Variants in SPDYE21 observed in about 807,000 individuals in gnomAD.
SPDYE21 encodes speedy protein E21.
Under a neutral mutation model 36.2 loss-of-function variants are expected in SPDYE21, and 14 were observed. The ratio of observed to expected loss-of-function variants is 0.39; its 90% CI spans 0.26 to 0.61. SPDYE21 has a LOEUF of 0.61. Ranked by LOEUF, SPDYE21 falls within the 20% of genes least tolerant of loss-of-function variation. SPDYE21 has a pLI of 0.55. For synonymous variants in SPDYE21, 58 were observed against 155.1 expected, an observed-to-expected ratio of 0.37 and a Z score of 4.65; for missense variants, 233 against 424.6, an observed-to-expected ratio of 0.55 and a Z score of 3.97.
chr7:67,282,795 T>C, intron 5 of SPDYE21, 102 bp downstream of exon 5: 1 of 1,273,702 alleles, frequency 7.9e-7, no homozygotes, highest in African/African-American at 1.8e-5. Context: ...TCCCACCAGA[T>C]GCTCCTACAG....
rs1802772549 is a variant in SPDYE21 at position 67,288,075 on chromosome 7, T to G, written c.*603T>G. Among the ~76,000 whole-genome samples the G allele has an allele frequency of 6.6e-6, 1 of 151,806 alleles. No individual in the cohort carries two copies. Among genetic ancestry groups the G allele is most frequent in the South Asian group, 2.1e-4 (1 of 4,812 alleles). On this transcript the variant is annotated 3_prime_UTR_variant, in exon 9 of 9. Transcript: ENST00000424157. ...AAAACATGCTGTTCCTGTAGTTTTT[T>G]GATGAGAGTTATAGTTGTTATATAT...
chr7:67,277,181 C>G (rs1007840214), intron 1 of SPDYE21, among the ~76,000 whole-genome samples, 119 bp downstream of exon 1: 1 of 152,140 alleles, frequency 6.6e-6, no homozygotes, highest in Non-Finnish European at 1.5e-5. Context: ...CCAGCGCCCT[C>G]TCCTGAGTAG....
chr7:67,284,258 G>A (rs977976693), intron 6 of SPDYE21, among the ~76,000 whole-genome samples: 3 of 150,828 alleles, frequency 2.0e-5, no homozygotes, highest in Non-Finnish European at 4.4e-5. Flanking sequence ...AGACCAGCCT[G>A]GCCAACATGG....
At chr7:67,283,139 A>AT (rs570666812) in intron 5 of SPDYE21, among the ~76,000 whole-genome samples, 50 of 147,286 alleles carry the variant, frequency 3.4e-4, no homozygotes, top group East Asian at 1.4e-3. Context: ...GCACCCACAA[A>AT]TTTTTTTTTT....
Position 67,286,222 on chromosome 7 carries a change from C to T in SPDYE21, c.934C>T (p.Arg312Cys), listed in dbSNP as rs1802730731. 1.3e-5 allele frequency: 21 copies of T among 1,612,024 alleles called. No individual in the cohort carries two copies. The highest frequency in any genetic ancestry group is 5.5e-5 in the South Asian group (5 of 90,834). ...CTCTCGCATACCCTTGCTCCGTAAG[C>T]GTCGGTTCCAGTTAGGCCGTTCCAT... ...NRSRIPLLRKRRFQLGRSMNP... is the reference protein window; with the variant it reads ...NRSRIPLLRKCRFQLGRSMNP... The change falls in exon 7 of 9, where the codon CGT becomes TGT. Residue 312 changes from arginine (R) to cysteine (C), a missense_variant. Physicochemically the swap from Arg to Cys is radical, Grantham distance 180 (BLOSUM62 -3). This residue lies in a region of SPDYE21 where 139 missense variants were observed against 175.8 expected (regional missense o/e 0.79). Coordinates refer to ENST00000424157, the MANE Select transcript of SPDYE21 (RefSeq NM_001382715.2).
chr7:67,281,096 CAACAAAAA>C (rs1230268749), intron 3 of SPDYE21, among the ~76,000 whole-genome samples: 3 of 63,550 alleles, frequency 4.7e-5, no homozygotes, highest in East Asian at 6.8e-4. Flanking sequence ...ACAACAACAA[CAACAAAAA>C]AAAAAAAAAA....
chr7:67,284,152 C>T (rs1389987715), intron 6 of SPDYE21, among the ~76,000 whole-genome samples, 154 bp downstream of exon 6: 2 of 148,402 alleles, frequency 1.3e-5, no homozygotes, highest in African/African-American at 4.9e-5. Flanking sequence ...ACTGTTGTTT[C>T]TAAACAGAAA....
At chr7:67,280,172 T>C (rs896829544) in intron 3 of SPDYE21, 136 bp downstream of exon 3, 3 of 1,480,574 alleles carry the variant, frequency 2.0e-6, no homozygotes, top group African/African-American at 2.8e-5. Context: ...TCAGAAGTGA[T>C]CACTCATGAG....
chr7:67,286,256 G>A lies in SPDYE21; in HGVS notation c.968G>A (p.Arg323Lys). The A allele has an allele frequency of 1.9e-6, 3 of 1,588,992 alleles. No homozygotes were observed. The highest frequency in any genetic ancestry group is 2.6e-6 in the Non-Finnish European group (3 of 1,161,518). The change falls in exon 7 of 9, where the codon AGG becomes AAG. Residue 323 changes from arginine (R) to lysine (K), a missense_variant. Arg to Lys is a conservative substitution (Grantham distance 26). Coordinates refer to ENST00000424157, the MANE Select transcript of SPDYE21 (RefSeq NM_001382715.2). ...CAGTTAGGCCGTTCCATGAACCCGAGGGCCAGGAAGTACCGCTCTCGCATA... is the reference window on the plus strand; with the variant it reads ...CAGTTAGGCCGTTCCATGAACCCGAAGGCCAGGAAGTACCGCTCTCGCATA... ...RFQLGRSMNP[R>K]ARKYRSRIPL...
Position 67,286,191 on chromosome 7 carries a change from GAACCGCTCTCGC to G in SPDYE21, c.905_916del (p.Asn302_Arg305del). 6.2e-7 allele frequency: 1 copy of G among 1,611,410 alleles called. No individual in the cohort carries two copies. Among genetic ancestry groups the G allele is most frequent in the Non-Finnish European group, 8.5e-7 (1 of 1,179,276 alleles). ...GTTCCATGAACCCGAGGGCCAGGAA[GAACCGCTCTCGC>G]ATACCCTTGCTCCGTAAGCGTCGGT... On this transcript the variant is annotated inframe_deletion, in exon 7 of 9. Coordinates refer to ENST00000424157, the MANE Select transcript of SPDYE21 (RefSeq NM_001382715.2).
intron 5 of SPDYE21, among the ~76,000 whole-genome samples, chr7:67,283,680 C>A (rs994941211): frequency 6.6e-6 from 1 of 152,042 alleles, no homozygotes; most frequent in Non-Finnish European, 1.5e-5. Flanking sequence ...AAGATCCCAT[C>A]GGAGCCCACC....
chr7:67,286,993 C>T (rs1482535119), intron 8 of SPDYE21, among the ~76,000 whole-genome samples: 4 of 152,102 alleles, frequency 2.6e-5, no homozygotes, highest in African/African-American at 9.7e-5. Flanking sequence ...ATGATTGACG[C>T]ACTTGAGTTA....
At chr7:67,283,743 G>A (rs1802681925) in intron 5 of SPDYE21, among the ~76,000 whole-genome samples, 170 bp from the exon 6 acceptor site, 1 of 147,876 alleles carries the variant, frequency 6.8e-6, no homozygotes, top group East Asian at 2.3e-4. Context: ...ATTTGCATCC[G>A]ACCTTCGAAT....
rs1227481815 is a variant in SPDYE21, at chr7:67,282,618, C to CT, written c.611-16dup. 6.3e-7 allele frequency: 1 copy of CT among 1,575,776 alleles called. No individual in the cohort carries two copies. The highest frequency in any genetic ancestry group is 1.4e-5 in the African/African-American group (1 of 73,598). On this transcript the variant is annotated splice_polypyrimidine_tract_variant and intron_variant, in intron 4 of 8. Transcript: ENST00000424157. Reference sequence around the variant, plus strand: ...CCTGTCCTGCTTCTCACACTGACATCTGCTCTCTAATCACAGAGGATCCTG... The same window carrying CT: ...CCTGTCCTGCTTCTCACACTGACATCTTGCTCTCTAATCACAGAGGATCCTG...
chr7:67,286,016 T>TG (rs1220392740), intron 6 of SPDYE21, 28 bp from the exon 7 acceptor site: 1 of 1,611,750 alleles, frequency 6.2e-7, no homozygotes, highest in African/African-American at 1.3e-5. Context: ...GTGGTGCCCC[T>TG]GAGCAGCAAC....
In SPDYE21 at chr7:67,287,763, T is replaced by G. The variant is rs1404374148; in HGVS notation, c.*291T>G. The stretch of plus-strand genomic sequence containing the variant: ...ACCAGGAGTGTTTCCAGTTCCACCC[T>G]TTCCTGCGGCACCACCACCCTTTTT... On this transcript the variant is annotated 3_prime_UTR_variant, in exon 9 of 9. Coordinates refer to ENST00000424157, the MANE Select transcript of SPDYE21 (RefSeq NM_001382715.2). Among the ~76,000 whole-genome samples the G allele has an allele frequency of 6.6e-6, 1 of 151,704 alleles. No homozygotes were observed. The highest frequency in any genetic ancestry group is 2.4e-5 in the African/African-American group (1 of 41,282).
Position 67,286,071 on chromosome 7 carries a change from C to A in SPDYE21, c.783C>A (p.Asp261Glu). The A allele has an allele frequency of 5.0e-6, 8 of 1,613,468 alleles. No homozygotes were observed. The South Asian group carries it at 7.7e-5, about 16-fold the overall frequency. ...ACCTGGCCAATGACATGGAGGAGGACGACGAGGACTCCAAACAAAACATCT... is the reference window on the plus strand; with the variant it reads ...ACCTGGCCAATGACATGGAGGAGGAAGACGAGGACTCCAAACAAAACATCT... The part of the protein sequence containing the change: ...ALYLANDMEE[D>E]DEDSKQNIFH... Residue 261 changes from aspartate to glutamate, a missense_variant, in exon 7 of 9, where the codon GAC becomes GAA. Asp to Glu is a conservative substitution (Grantham distance 45, BLOSUM62 2). This residue lies in a region of SPDYE21 where 139 missense variants were observed against 175.8 expected (regional missense o/e 0.79). Coordinates refer to ENST00000424157, the MANE Select transcript of SPDYE21 (RefSeq NM_001382715.2).
At chr7:67,277,729 T>G (rs2116500561) in intron 1 of SPDYE21, among the ~76,000 whole-genome samples, 1 of 151,216 alleles carries the variant, frequency 6.6e-6, no homozygotes, top group African/African-American at 2.4e-5. Context: ...CAGCTGAAAT[T>G]TTTTGACTTA....
Position 67,278,745 on chromosome 7 carries a change from G to C in SPDYE21, c.32G>C (p.Arg11Thr), listed in dbSNP as rs955831996. Among the ~76,000 whole-genome samples, 5 of 151,358 alleles carry C rather than the reference G, an allele frequency of 3.3e-5. No homozygotes were observed. Among genetic ancestry groups the C allele is most frequent in the Non-Finnish European group, 5.9e-5 (4 of 67,916 alleles). ...AGAACGGAGACTAGGTTCCGTAAGA[G>C]GGGACAGATTACGGGAAAGATCACG... is the stretch of plus-strand genomic sequence containing the variant. The part of the protein sequence containing the change: MDRTETRFRK[R>T]GQITGKITTS... Residue 11 changes from arginine to threonine, a missense_variant, in exon 2 of 9, where the codon AGG (arginine) becomes ACG (threonine). Transcript: ENST00000424157.
Sources: gnomAD v4.1 joint callset for allele counts (sites outside exome capture counted in the v4.1 genomes callset) on GRCh38, gnomAD v4.1.1 for gene constraint, gnomAD v4.1.1 regional missense constraint, MANE v1.5 for transcripts, NCBI Gene and HGNC (gene_info 2026-07-23, HGNC 2026-07-21) for gene names.